The following SGCD variants were observed in gnomAD, a reference collection of about 807,000 sequenced individuals.
SGCD encodes the protein sarcoglycan delta, also known as delta-sarcoglycan.
SGCD carries 18 observed loss-of-function variants against 36.6 expected under a neutral mutation model. That is an observed-to-expected ratio of 0.49 (90% CI 0.34 to 0.73). SGCD has a LOEUF of 0.73. Among genes scored for constraint, SGCD ranks in the 30% least tolerant of loss-of-function variants. SGCD has a pLI of 0.01. For synonymous variants in SGCD, 133 were observed against 130.6 expected (o/e 1.02, Z -0.12); for missense variants, 387 against 346.7 (o/e 1.12, Z -0.92).
chr5:156,717,493 C>A (rs1755281120), intron 7 of SGCD, among the ~76,000 whole-genome samples: 1 of 152,194 alleles, frequency 6.6e-6, no homozygotes, highest in Admixed American at 6.5e-5. Flanking sequence ...TTAACAATAT[C>A]TTTATTTTCT....
chr5:156,421,941 T>C (rs1042075066), intron 3 of SGCD, among the ~76,000 whole-genome samples: 2 of 152,044 alleles, frequency 1.3e-5, no homozygotes, highest in Non-Finnish European at 2.9e-5. Context: ...CAGCCTCGTA[T>C]TATGCTGGGC....
intron 7 of SGCD, among the ~76,000 whole-genome samples, chr5:156,698,430 C>T (rs530666020): frequency 5.9e-4 from 90 of 152,322 alleles, no homozygotes; most frequent in African/African-American, 2.1e-3. Context: ...TATCTCAAGC[C>T]CAGCTTTAAA....
chr5:156,072,273 TG>T (rs1488158418), intron 1 of SGCD, among the ~76,000 whole-genome samples: 1 of 152,124 alleles, frequency 6.6e-6, no homozygotes, highest in Non-Finnish European at 1.5e-5. Context: ...TGGTACCAGT[TG>T]TTCCTTTCCA....
At chr5:156,554,869 G>A (rs1443352017) in intron 4 of SGCD, among the ~76,000 whole-genome samples, 2 of 151,938 alleles carry the variant, frequency 1.3e-5, no homozygotes, top group Non-Finnish European at 2.9e-5. Flanking sequence ...AATATGTGAG[G>A]TTTCCAGTTT....
Position 155,921,082 on chromosome 5 carries a change from G to A in SGCD, c.-282+50658G>A, listed in dbSNP as rs6865143. On this transcript the variant is annotated intron_variant, in intron 1 of 9. Coordinates refer to the SGCD transcript ENST00000517913. ...GGGTAAGGTAAGGAAAAGGAGCCCA[G>A]GATAAAAACACGGTGTCTAAGGAGG... 9.0e-3 allele frequency among the ~76,000 whole-genome samples: 1,376 copies of A among 152,220 alleles called. 27 individuals are homozygous for A. The highest frequency in any genetic ancestry group is 0.031 in the African/African-American group (1,268 of 41,536).
chr5:155,819,942 T>A, the SGCD span, among the ~76,000 whole-genome samples: 7 of 152,188 alleles, frequency 4.6e-5, no homozygotes, highest in Non-Finnish European at 1.0e-4. Flanking sequence ...ATCTGAACTG[T>A]GTTTTAAAAT....
chr5:156,285,228 C>G (rs1378418007), intron 3 of SGCD, among the ~76,000 whole-genome samples: 1 of 152,044 alleles, frequency 6.6e-6, no homozygotes, highest in Admixed American at 6.6e-5. Context: ...GAATCAATAT[C>G]GTGAAAATGG....
intron 1 of SGCD, among the ~76,000 whole-genome samples, chr5:156,038,700 T>G (rs921138435): frequency 3.3e-5 from 5 of 152,144 alleles, no homozygotes; most frequent in Admixed American, 2.6e-4. Context: ...AAAGCCTTAC[T>G]TTGTTCCTTA....
At chr5:156,559,003 G>A (rs890829005) in intron 4 of SGCD, among the ~76,000 whole-genome samples, 4 of 141,644 alleles carry the variant, frequency 2.8e-5, no homozygotes, top group Non-Finnish European at 6.1e-5. Flanking sequence ...TTCACTTTGC[G>A]AAGAATAGGA....
In SGCD at chr5:156,291,004, A is replaced by T. The variant is rs187970587; in HGVS notation, c.-43-38530A>T. ...GGACCCCTGTGGATAACATAATCTG[A>T]GGATGCTCAGGTCTTAGAGCCGGCC... On this transcript the variant is annotated intron_variant, in intron 3 of 9. Coordinates refer to the SGCD transcript ENST00000517913. Among the ~76,000 whole-genome samples the T allele has an allele frequency of 1.3e-3, 200 of 152,278 alleles. 1 individual carries two copies. The highest frequency in any genetic ancestry group is 4.7e-3 in the African/African-American group (195 of 41,568).
At chr5:156,529,730 A>C (rs1047562648) in intron 4 of SGCD, among the ~76,000 whole-genome samples, 4 of 152,190 alleles carry the variant, frequency 2.6e-5, no homozygotes, top group Non-Finnish European at 4.4e-5. Context: ...CTTTTTTGCC[A>C]TATGAAATTA....
intron 1 of SGCD, among the ~76,000 whole-genome samples, chr5:156,068,436 TACAAAGGAC>T (rs1760409066): frequency 6.6e-6 from 1 of 152,168 alleles, no homozygotes; most frequent in African/African-American, 2.4e-5. Flanking sequence ...TCCATGTCCC[TACAAAGGAC>T]ATGAACTCCT....
intron 1 of SGCD, among the ~76,000 whole-genome samples, chr5:156,045,402 C>A (rs1251427401): frequency 6.6e-6 from 1 of 152,062 alleles, no homozygotes; most frequent in Admixed American, 6.6e-5. Flanking sequence ...ATATTTTTAT[C>A]TCATTTAATA....
intron 1 of SGCD, 100 bp from the exon 2 acceptor site, chr5:156,329,434 C>A: frequency 1.2e-6 from 1 of 836,940 alleles, no homozygotes; most frequent in Non-Finnish European, 2.0e-6. Context: ...TCAGAAAGCA[C>A]ATTTTGTAAG....
intron 3 of SGCD, among the ~76,000 whole-genome samples, chr5:156,200,894 AAT>A (rs1424060550): frequency 1.3e-5 from 2 of 152,196 alleles, no homozygotes; most frequent in African/African-American, 4.8e-5. Flanking sequence ...CATACAGTGG[AAT>A]ATTATGCAGC....
At chr5:155,912,954 G>T (rs1021540771) in intron 1 of SGCD, among the ~76,000 whole-genome samples, 1 of 152,140 alleles carries the variant, frequency 6.6e-6, no homozygotes, top group South Asian at 2.1e-4. Context: ...TGCTGCCAAT[G>T]TTCCTTCTAA....
At chr5:155,732,928 A>G in the SGCD span, among the ~76,000 whole-genome samples, 2 of 152,098 alleles carry the variant, frequency 1.3e-5, no homozygotes, top group Non-Finnish European at 2.9e-5. Flanking sequence ...GCCCACTGAT[A>G]TGCAAGGAAA....
rs191515452 is a variant in SGCD, at chr5:156,608,446, G to A, written c.502+13395G>A. ...ATTTCTGTTCTTTTACATTTGCTGA[G>A]GAGAGCTTTACTTCCAACTATGTGG... On this transcript the variant is annotated intron_variant, in intron 6 of 8. Coordinates refer to ENST00000337851, the MANE Select transcript of SGCD (RefSeq NM_000337.6). Among the ~76,000 whole-genome samples, 469 of 152,290 alleles carry A rather than the reference G, an allele frequency of 3.1e-3. 3 individuals carry two copies. Among genetic ancestry groups the A allele is most frequent in the African/African-American group, 9.8e-3 (406 of 41,552 alleles).
chr5:156,631,157 AT>A (rs1762616264), intron 6 of SGCD, among the ~76,000 whole-genome samples: 1 of 152,164 alleles, frequency 6.6e-6, no homozygotes, highest in African/African-American at 2.4e-5. Context: ...CATTTTCATA[AT>A]GGGTCAGAAA....
Sources: allele counts gnomAD v4.1 joint callset (sites outside exome capture counted in the v4.1 genomes callset), GRCh38; gene constraint gnomAD v4.1.1; transcripts MANE v1.5; gene names NCBI Gene and HGNC (gene_info 2026-07-23, HGNC 2026-07-21).